The following ZNF714 variants were observed in gnomAD, a reference collection of about 807,000 sequenced individuals.
ZNF714 encodes zinc finger protein 714.
In ZNF714, 32 loss-of-function variants were observed where a neutral mutation model predicts 46.2. The observed-to-expected ratio is 0.69, with a 90% CI of 0.52 to 0.93. The LOEUF is 0.93. Among genes scored for constraint, ZNF714 ranks in the 40% least tolerant of loss-of-function variants. The pLI is 0.00. For synonymous variants in ZNF714, 199 were observed against 213.1 expected (o/e 0.93, Z 0.58); for missense variants, 635 against 646.3 (o/e 0.98, Z 0.19).
chr19:21,089,843 T>TC (rs1350321651), intron 2 of ZNF714, among the ~76,000 whole-genome samples: 1 of 115,718 alleles, frequency 8.6e-6, no homozygotes, highest in Non-Finnish European at 1.9e-5. Context: ...TAATTTTTTT[T>TC]ACCATTCATT....
At chr19:21,108,030 C>G (rs759205700) in intron 4 of ZNF714, among the ~76,000 whole-genome samples, 16 of 152,284 alleles carry the variant, frequency 1.1e-4, no homozygotes, top group Admixed American at 1.3e-4. Context: ...CTCAAGCGAT[C>G]TTTCCACCTC....
chr19:21,103,420 G>T (rs113415378), intron 4 of ZNF714, among the ~76,000 whole-genome samples: 11,664 of 151,650 alleles, frequency 0.077, 500 homozygotes, highest in Non-Finnish European at 0.086. Context: ...GGACATGGTG[G>T]CCTACGCCTG....
chr19:21,107,044 C>G (rs931856351), intron 4 of ZNF714, among the ~76,000 whole-genome samples: 13 of 152,064 alleles, frequency 8.5e-5, no homozygotes, highest in African/African-American at 2.9e-4. Flanking sequence ...CAAGGATGGT[C>G]TCGATCCCCT....
In ZNF714 at chr19:21,117,045, T is replaced by C; in HGVS notation, c.381T>C (p.His127=). 1 of 1,613,126 alleles carries C rather than the reference T, an allele frequency of 6.2e-7. No homozygotes were observed. The highest frequency in any genetic ancestry group is 8.5e-7 in the Non-Finnish European group (1 of 1,179,486). ...FPCDKYIKVF[H]KIFNSNRHKT... ...GTGATAAATATATAAAAGTCTTTCA[T>C]AAAATTTTCAATTCAAATAGACACA... The change falls in exon 5 of 5, where the codon CAT becomes CAC. Residue 127 remains histidine, a synonymous_variant. Transcript: ENST00000456283.
At chr19:21,103,426 G>A (rs538300036) in intron 4 of ZNF714, among the ~76,000 whole-genome samples, 12 of 152,040 alleles carry the variant, frequency 7.9e-5, no homozygotes, top group South Asian at 4.2e-4. Flanking sequence ...GGTGGCCTAC[G>A]CCTGTTGTTC....
At chr19:21,082,833 G>A (rs1043688202) in intron 1 of ZNF714, among the ~76,000 whole-genome samples, 3 of 152,150 alleles carry the variant, frequency 2.0e-5, no homozygotes, top group South Asian at 2.1e-4. Flanking sequence ...TATGGGCGGG[G>A]CTTGAAGTAA....
intron 4 of ZNF714, among the ~76,000 whole-genome samples, chr19:21,099,616 T>C (rs1428389954): frequency 1.3e-5 from 2 of 152,224 alleles, no homozygotes; most frequent in Non-Finnish European, 2.9e-5. Context: ...ATTACTATAG[T>C]CTTAAAATAT....
At chr19:21,100,249 C>T (rs920205219) in intron 4 of ZNF714, among the ~76,000 whole-genome samples, 7 of 151,902 alleles carry the variant, frequency 4.6e-5, no homozygotes, top group African/African-American at 9.7e-5. Flanking sequence ...CTTGGCCAGC[C>T]GCAGTGTCTC....
chr19:21,101,291 C>G (rs1386173004), intron 4 of ZNF714, among the ~76,000 whole-genome samples: 1 of 152,028 alleles, frequency 6.6e-6, no homozygotes, highest in African/African-American at 2.4e-5. Context: ...TCTGTTGTGT[C>G]CCTAGGGTGA....
intron 4 of ZNF714, among the ~76,000 whole-genome samples, chr19:21,110,406 TTTC>T (rs765764390): frequency 6.6e-6 from 1 of 152,188 alleles, no homozygotes; most frequent in African/African-American, 2.4e-5. Flanking sequence ...TTGAGGCGTG[TTTC>T]TTCTTGTTCT....
intron 4 of ZNF714, among the ~76,000 whole-genome samples, chr19:21,105,424 A>G (rs1969287258): frequency 6.6e-6 from 1 of 151,674 alleles, no homozygotes; most frequent in South Asian, 2.1e-4. Flanking sequence ...AGTTCCATAT[A>G]TTTTCACCCA....
intron 2 of ZNF714, chr19:21,091,257 G>C (rs1287421373): frequency 1.3e-5 from 2 of 152,288 alleles, no homozygotes; most frequent in East Asian, 3.9e-4. Flanking sequence ...TCATAGCACT[G>C]GTGGGAGTAT....
chr19:21,118,080 C>T lies in ZNF714; in HGVS notation c.1416C>T (p.Asn472=), dbSNP rs775538323. The T allele has an allele frequency of 2.5e-6, 4 of 1,613,132 alleles. No homozygotes were observed. The highest frequency in any genetic ancestry group is 3.3e-5 in the Admixed American group (2 of 59,962). ...GATCCTCAAACCTTACTAAACATAA[C>T]ATAATTCATACTGGAGAGAAATCTT... The part of the protein sequence containing the change: ...FNRSSNLTKH[N]IIHTGEKSYK... The change falls in exon 5 of 5, where the codon AAC becomes AAT. Residue 472 remains asparagine (N), a synonymous_variant. Coordinates refer to ENST00000456283, the MANE Select transcript of ZNF714 (RefSeq NM_182515.4).
rs1361151047 is a variant in ZNF714, at chr19:21,121,576, C to G, written c.*3244C>G. On this transcript the variant is annotated 3_prime_UTR_variant, in exon 5 of 5. Coordinates refer to ENST00000456283, the MANE Select transcript of ZNF714 (RefSeq NM_182515.4). Reference sequence around the variant, plus strand: ...AGTTAAATATGTATTAGTCTAAAGACAAACTTTAGGTGTAAGAAAATTATG... The same window carrying G: ...AGTTAAATATGTATTAGTCTAAAGAGAAACTTTAGGTGTAAGAAAATTATG... The G allele has an allele frequency of 1.3e-5, 2 of 152,078 alleles. No homozygotes were observed. The highest frequency in any genetic ancestry group is 2.9e-5 in the Non-Finnish European group (2 of 68,014). 9.4% of individuals were successfully genotyped at this position (152,078 alleles called of 1,614,324 possible).
At position 21,117,913 on chromosome 19, in the gene ZNF714, A is replaced by T. The variant is rs1372396233; in HGVS notation, c.1249A>T (p.Ile417Leu). Residue 417 changes from isoleucine (I) to leucine (L), a missense_variant, in exon 5 of 5, where the codon ATA (isoleucine) becomes TTA (leucine). Physicochemically the swap from Ile to Leu is conservative, Grantham distance 5. Transcript: ENST00000456283. ...NQSSNLTKHK[I>L]IHTGEKLYKC... ...ATCCTCAAACCTTACCAAACATAAGATAATTCATACTGGAGAGAAACTCTA... is the reference window on the plus strand; with the variant it reads ...ATCCTCAAACCTTACCAAACATAAGTTAATTCATACTGGAGAGAAACTCTA... 6.2e-7 allele frequency: 1 copy of T among 1,613,126 alleles called. No homozygotes were observed. Among genetic ancestry groups the T allele is most frequent in the Admixed American group, 1.7e-5 (1 of 60,004 alleles).
intron 2 of ZNF714, among the ~76,000 whole-genome samples, chr19:21,096,420 T>A (rs1196594490): frequency 6.6e-6 from 1 of 152,202 alleles, no homozygotes; most frequent in Non-Finnish European, 1.5e-5. Flanking sequence ...TCTTTTCAGC[T>A]AAACATATCT....
intron 4 of ZNF714, among the ~76,000 whole-genome samples, chr19:21,110,745 T>A (rs2072843354): frequency 6.6e-6 from 1 of 152,220 alleles, no homozygotes; most frequent in Non-Finnish European, 1.5e-5. Context: ...TTTCAATTCA[T>A]CTTGAGTTAA....
chr19:21,098,137 A>C, intron 2 of ZNF714, 48 bp from the exon 3 acceptor site: 2 of 1,553,138 alleles, frequency 1.3e-6, no homozygotes, highest in Non-Finnish European at 1.7e-6. Flanking sequence ...AATTCTGCCC[A>C]TGGCCACTTG....
At chr19:21,094,963 G>A (rs1489551938) in intron 2 of ZNF714, among the ~76,000 whole-genome samples, 1 of 152,078 alleles carries the variant, frequency 6.6e-6, no homozygotes, top group African/African-American at 2.4e-5. Flanking sequence ...CTTTTGAAAA[G>A]CATCTGTTCA....
Sources: gnomAD v4.1 joint callset for allele counts (sites outside exome capture counted in the v4.1 genomes callset) on GRCh38, gnomAD v4.1.1 for gene constraint, MANE v1.5 for transcripts, NCBI Gene and HGNC (gene_info 2026-07-23, HGNC 2026-07-21) for gene names.